Variants in HS3ST3A1 observed in about 807,000 individuals in gnomAD.
The protein encoded by HS3ST3A1 is heparan sulfate-glucosamine 3-sulfotransferase 3A1.
HS3ST3A1 carries 19 observed loss-of-function variants against 25.7 expected under a neutral mutation model. The ratio of observed to expected loss-of-function variants is 0.74; its 90% CI spans 0.52 to 1.08. HS3ST3A1 has a LOEUF of 1.08. Among genes scored for constraint, HS3ST3A1 ranks in the 50% least tolerant of loss-of-function variants. The probability of loss-of-function intolerance (pLI) is 0.00; values close to 1 mark genes in which losing one functional copy is unlikely to be tolerated. For missense variants in HS3ST3A1, 459 were observed against 594.3 expected (o/e 0.77, Z 2.37); for synonymous variants, 226 against 278.6 (o/e 0.81, Z 1.88).
intron 1 of HS3ST3A1, among the ~76,000 whole-genome samples, chr17:13,581,393 G>A (rs1048922643): frequency 1.3e-5 from 2 of 151,428 alleles, no homozygotes; most frequent in African/African-American, 4.9e-5. Flanking sequence ...CTTGAACCCG[G>A]GAGAGAGAGG....
chr17:13,541,507 C>G (rs952490488), intron 1 of HS3ST3A1, among the ~76,000 whole-genome samples: 4 of 152,134 alleles, frequency 2.6e-5, no homozygotes, highest in Non-Finnish European at 5.9e-5. Context: ...ATCACCCTGT[C>G]CACCTTCCCA....
chr17:13,562,423 G>A (rs932869969), intron 1 of HS3ST3A1, among the ~76,000 whole-genome samples: 13 of 152,098 alleles, frequency 8.5e-5, no homozygotes, highest in Admixed American at 1.3e-4. Context: ...GAGGGACAGC[G>A]GGTGGGGGGG....
rs769643418 is a variant in HS3ST3A1, at chr17:13,600,629, C to T, written c.501G>A (p.Ala167=). The part of the protein sequence containing the change: ...IIGVKKGGTR[A]LLEFLRVHPD... ...GGTGCACGCGCAGGAACTCCAGCAGCGCCCGCGTGCCGCCCTTCTTCACTC... is the reference window on the plus strand; with the variant it reads ...GGTGCACGCGCAGGAACTCCAGCAGTGCCCGCGTGCCGCCCTTCTTCACTC... Residue 167 remains alanine, a synonymous_variant, in exon 1 of 2, where the codon GCG becomes GCA. Coordinates refer to ENST00000284110, the MANE Select transcript of HS3ST3A1 (RefSeq NM_006042.3). 5 of 1,595,978 alleles carry T rather than the reference C, an allele frequency of 3.1e-6. No individual in the cohort carries two copies. The highest frequency in any genetic ancestry group is 2.6e-6 in the Non-Finnish European group (3 of 1,176,466).
chr17:13,542,849 A>T lies in HS3ST3A1; in HGVS notation c.600-46031T>A, dbSNP rs527752689. ...GCTCCCCCACTACCACCACACACAC[A>T]CCTCTGGGGTGGAAAGAGGAGCTGA... is the stretch of plus-strand genomic sequence containing the variant. On this transcript the variant is annotated intron_variant, in intron 1 of 1. Coordinates refer to ENST00000284110, the MANE Select transcript of HS3ST3A1 (RefSeq NM_006042.3). Among the ~76,000 whole-genome samples, 7 of 152,008 alleles carry T rather than the reference A, an allele frequency of 4.6e-5. No individual in the cohort carries two copies. The South Asian group carries it at 8.3e-4, about 18-fold the overall frequency.
At chr17:13,550,813 A>G (rs1327876084) in intron 1 of HS3ST3A1, among the ~76,000 whole-genome samples, 1 of 152,188 alleles carries the variant, frequency 6.6e-6, no homozygotes, top group Non-Finnish European at 1.5e-5. Context: ...TCACGCCTGT[A>G]ATCCCAGCAC....
intron 1 of HS3ST3A1, among the ~76,000 whole-genome samples, chr17:13,560,109 G>T (rs565077695): frequency 1.3e-5 from 2 of 151,200 alleles, no homozygotes; most frequent in South Asian, 4.2e-4. Context: ...GGCCAACATG[G>T]TGAAACCCCA....
At chr17:13,590,908 G>T (rs1041204565) in intron 1 of HS3ST3A1, among the ~76,000 whole-genome samples, 7 of 108,350 alleles carry the variant, frequency 6.5e-5, no homozygotes, top group South Asian at 6.0e-4. Flanking sequence ...GCACTGGATT[G>T]GGGGGGGATC....
intron 1 of HS3ST3A1, among the ~76,000 whole-genome samples, chr17:13,574,310 T>A (rs1907893987): frequency 6.6e-6 from 1 of 151,712 alleles, no homozygotes; most frequent in Non-Finnish European, 1.5e-5. Flanking sequence ...ATTTTTTGTG[T>A]TTTTAGTAGA....
At chr17:13,540,991 G>A (rs1197515434) in intron 1 of HS3ST3A1, among the ~76,000 whole-genome samples, 4 of 152,162 alleles carry the variant, frequency 2.6e-5, no homozygotes, top group Non-Finnish European at 5.9e-5. Context: ...TGTAAATCCT[G>A]CTAAATCTAT....
chr17:13,520,866 C>A (rs1351022414), intron 1 of HS3ST3A1, among the ~76,000 whole-genome samples: 1 of 152,176 alleles, frequency 6.6e-6, no homozygotes, highest in Non-Finnish European at 1.5e-5. Flanking sequence ...CCCACCTCGA[C>A]CTCCCAAAGT....
chr17:13,576,583 T>C (rs1907953406), intron 1 of HS3ST3A1, among the ~76,000 whole-genome samples: 1 of 152,234 alleles, frequency 6.6e-6, no homozygotes, highest in African/African-American at 2.4e-5. Context: ...AAGAGGAGGA[T>C]TATGCTTCAA....
intron 1 of HS3ST3A1, among the ~76,000 whole-genome samples, chr17:13,528,044 C>T (rs1046098164): frequency 6.6e-6 from 1 of 152,124 alleles, no homozygotes; most frequent in African/African-American, 2.4e-5. Context: ...TACATGTATA[C>T]TGATCCGTGT....
chr17:13,529,132 C>A (rs1906524754), intron 1 of HS3ST3A1, among the ~76,000 whole-genome samples: 1 of 152,110 alleles, frequency 6.6e-6, no homozygotes, highest in African/African-American at 2.4e-5. Context: ...AGCCCTAAAA[C>A]AGATATTTTA....
chr17:13,588,283 T>A (rs1446208534), intron 1 of HS3ST3A1, among the ~76,000 whole-genome samples: 1 of 151,140 alleles, frequency 6.6e-6, no homozygotes, highest in Non-Finnish European at 1.5e-5. Context: ...AAAAAAAAAA[T>A]TGCTGACACC....
intron 1 of HS3ST3A1, among the ~76,000 whole-genome samples, chr17:13,518,504 C>T (rs1312167802): frequency 6.6e-6 from 1 of 152,150 alleles, no homozygotes; most frequent in Non-Finnish European, 1.5e-5. Flanking sequence ...TTGACGGGTC[C>T]AATTCTTCAT....
At chr17:13,594,696 TTG>T (rs1405731071) in intron 1 of HS3ST3A1, among the ~76,000 whole-genome samples, 3 of 152,128 alleles carry the variant, frequency 2.0e-5, no homozygotes, top group Admixed American at 6.6e-5. Flanking sequence ...TTTCAGTTTA[TTG>T]TGAAGCCAAA....
At chr17:13,528,433 A>C (rs1292873167) in intron 1 of HS3ST3A1, among the ~76,000 whole-genome samples, 2 of 152,170 alleles carry the variant, frequency 1.3e-5, no homozygotes, top group Non-Finnish European at 2.9e-5. Flanking sequence ...CTCAGAGCAG[A>C]GCTTGGTCAA....
At chr17:13,527,901 TGTATA>T (rs894850643) in intron 1 of HS3ST3A1, among the ~76,000 whole-genome samples, 3 of 152,274 alleles carry the variant, frequency 2.0e-5, no homozygotes, top group African/African-American at 7.2e-5. Context: ...TTTTGGGAAA[TGTATA>T]ATTAAAGTAC....
chr17:13,500,367 A>T (rs1905430491), intron 1 of HS3ST3A1, among the ~76,000 whole-genome samples: 1 of 152,234 alleles, frequency 6.6e-6, no homozygotes, highest in Non-Finnish European at 1.5e-5. Context: ...CTTTTGCACC[A>T]ACCTAATACT....
Sources: gnomAD v4.1 joint callset for allele counts (sites outside exome capture counted in the v4.1 genomes callset) on GRCh38, gnomAD v4.1.1 for gene constraint, MANE v1.5 for transcripts, NCBI Gene and HGNC (gene_info 2026-07-23, HGNC 2026-07-21) for gene names.